Variants in CALN1 observed in about 807,000 individuals in gnomAD.
CALN1 encodes calneuron 1.
A neutral mutation model predicts 30.6 loss-of-function variants in CALN1; 17 were observed. The observed-to-expected ratio is 0.56, with a 90% confidence interval of 0.38 to 0.83. The LOEUF (loss-of-function observed/expected upper bound fraction) is 0.83, where lower values mean the gene tolerates loss of function less well. Ranked by LOEUF, CALN1 falls within the 40% of genes least tolerant of loss-of-function variation. CALN1 has a pLI of 0.00. For missense variants in CALN1, 291 were observed against 354.9 expected, an observed-to-expected ratio of 0.82 and a Z score of 1.45; for synonymous variants, 156 against 131.4, an observed-to-expected ratio of 1.19 and a Z score of -1.28.
intron 2 of CALN1, among the ~76,000 whole-genome samples, chr7:72,386,379 T>A (rs1002058702): frequency 2.6e-5 from 4 of 152,148 alleles, no homozygotes; most frequent in African/African-American, 9.7e-5. Context: ...ACTTTGGAAA[T>A]GGCTGGGTTC....
intron 3 of CALN1, among the ~76,000 whole-genome samples, chr7:72,171,913 T>G (rs546956559): frequency 6.6e-6 from 1 of 152,206 alleles, no homozygotes; most frequent in Non-Finnish European, 1.5e-5. Context: ...CATCCCATTT[T>G]AAAGGCAAAG....
intron 3 of CALN1, among the ~76,000 whole-genome samples, chr7:72,154,854 CAACAT>C (rs1274063542): frequency 1.3e-5 from 2 of 151,706 alleles, no homozygotes; most frequent in African/African-American, 4.9e-5. Context: ...GAGACCAACT[CAACAT>C]AATGAGAGCA....
chr7:72,185,658 A>T (rs1183069817), intron 3 of CALN1, among the ~76,000 whole-genome samples: 1 of 152,196 alleles, frequency 6.6e-6, no homozygotes, highest in Non-Finnish European at 1.5e-5. Context: ...TACTCCCATA[A>T]TTCCCACGTG....
At chr7:72,257,121 C>T (rs140550386) in intron 3 of CALN1, among the ~76,000 whole-genome samples, 16 of 152,258 alleles carry the variant, frequency 1.1e-4, no homozygotes, top group East Asian at 7.7e-4. Context: ...TCTTACATGG[C>T]GGCAAGAGAG....
At chr7:72,367,123 C>T (rs1803924427) in intron 2 of CALN1, among the ~76,000 whole-genome samples, 1 of 151,792 alleles carries the variant, frequency 6.6e-6, no homozygotes, top group Admixed American at 6.6e-5. Flanking sequence ...AAAAAACAGG[C>T]AAAAGAAACC....
intron 2 of CALN1, among the ~76,000 whole-genome samples, chr7:72,365,202 G>A (rs1329375745): frequency 1.3e-5 from 2 of 152,170 alleles, no homozygotes; most frequent in African/African-American, 2.4e-5. Context: ...CTACTCGGGA[G>A]GCTGAGGCAG....
intron 3 of CALN1, among the ~76,000 whole-genome samples, chr7:72,184,349 T>A (rs1207838340): frequency 6.6e-6 from 1 of 152,200 alleles, no homozygotes; most frequent in South Asian, 2.1e-4. Context: ...AGTTTCCCCA[T>A]CTTTAAATGC....
At chr7:71,819,003 C>T (rs1788434177) in intron 5 of CALN1, among the ~76,000 whole-genome samples, 1 of 151,650 alleles carries the variant, frequency 6.6e-6, no homozygotes, top group South Asian at 2.1e-4. Flanking sequence ...CCACAGCACC[C>T]ACCCGACCAG....
chr7:71,814,201 G>A (rs1209561992), intron 5 of CALN1, among the ~76,000 whole-genome samples: 2 of 152,190 alleles, frequency 1.3e-5, no homozygotes, highest in Non-Finnish European at 2.9e-5. Context: ...CTGAGCCTCT[G>A]ACCGCTATGG....
rs1554362861 is a variant in CALN1, at chr7:72,308,372, G to GAGA, written c.120-29563_120-29562insTCT. Among the ~76,000 whole-genome samples the GAGA allele has an allele frequency of 2.3e-4, 21 of 92,662 alleles. 2 individuals carry two copies. The highest frequency in any genetic ancestry group is 1.0e-3 in the African/African-American group (18 of 17,870). 60.8% of individuals were successfully genotyped at this position (92,662 alleles called of 152,430 possible). On this transcript the variant is annotated intron_variant, in intron 2 of 6. Transcript: ENST00000395275. ...GAGTGAGATGCTGTCTGTGGGGGGGGGAGAGAGAGAGAGAGAGAGAGAGAG... is the reference window on the plus strand; with the variant it reads ...GAGTGAGATGCTGTCTGTGGGGGGGGAGAGAGAGAGAGAGAGAGAGAGAGAGAG...
Position 71,932,709 on chromosome 7 carries a change from G to C in CALN1, c.501+90948C>G, listed in dbSNP as rs768166420. Among the ~76,000 whole-genome samples the C allele has an allele frequency of 1.9e-3, 282 of 151,544 alleles. 2 individuals are homozygous for C. The highest frequency in any genetic ancestry group is 2.1e-3 in the Non-Finnish European group (141 of 67,854). The stretch of plus-strand genomic sequence containing the variant: ...GCGGGCACCTGTAGTCCAGCTACTC[G>C]GGAGGCTGAGGCAGGAGAATGGCAT... On this transcript the variant is annotated intron_variant, in intron 5 of 6. Transcript: ENST00000395275.
Position 72,023,660 on chromosome 7 carries a change from C to A in CALN1, c.498G>T (p.Trp166Cys). 1 of 1,611,302 alleles carries A rather than the reference C, an allele frequency of 6.2e-7. No homozygotes were observed. The highest frequency in any genetic ancestry group is 8.5e-7 in the Non-Finnish European group (1 of 1,177,988). ...FLGNTIDSIFWQFDMQRITLE... is the reference protein window; with the variant it reads ...FLGNTIDSIFCQFDMQRITLE... Reference sequence around the variant, plus strand: ...GAAAAAAAATATTCTTACTCACCTGCCAGAATATGCTGTCTATCGTGTTCC... The same window carrying A: ...GAAAAAAAATATTCTTACTCACCTGACAGAATATGCTGTCTATCGTGTTCC... The change falls in exon 5 of 7, where the codon TGG (tryptophan) becomes TGT (cysteine). Residue 166 changes from tryptophan to cysteine, a missense_variant. Around this residue, in one of 2 missense-constraint regions of CALN1, gnomAD observed 169 missense variants for 251.7 expected, o/e 0.67. Coordinates refer to ENST00000395275, the MANE Select transcript of CALN1 (RefSeq NM_031468.4).
chr7:72,134,213 C>A (rs1457501646), intron 3 of CALN1, among the ~76,000 whole-genome samples: 1 of 152,184 alleles, frequency 6.6e-6, no homozygotes, highest in East Asian at 1.9e-4. Flanking sequence ...ACAGCCCTTG[C>A]CAGACACCAT....
chr7:72,018,833 T>TTTTA (rs140236224), intron 5 of CALN1, among the ~76,000 whole-genome samples: 1 of 151,504 alleles, frequency 6.6e-6, no homozygotes, highest in African/African-American at 2.4e-5. Flanking sequence ...AAAAAAATTA[T>TTTTA]TTTATTTATT....
intron 2 of CALN1, among the ~76,000 whole-genome samples, chr7:72,394,013 G>C (rs1404883978): frequency 6.6e-6 from 1 of 152,190 alleles, no homozygotes; most frequent in South Asian, 2.1e-4. Context: ...GATCCTGAGT[G>C]AACAGATTTC....
chr7:71,916,446 A>G (rs1194440365), intron 5 of CALN1, among the ~76,000 whole-genome samples: 4 of 152,082 alleles, frequency 2.6e-5, no homozygotes, highest in Non-Finnish European at 5.9e-5. Context: ...TTTTCTGGAT[A>G]AAGAAAATGT....
intron 3 of CALN1, among the ~76,000 whole-genome samples, chr7:72,225,997 G>A (rs1793647951): frequency 6.6e-6 from 1 of 151,528 alleles, no homozygotes; most frequent in Admixed American, 6.6e-5. Flanking sequence ...TCGGGAGGCT[G>A]AGGCAGGAGA....
chr7:71,806,727 C>G (rs182019947), intron 6 of CALN1, among the ~76,000 whole-genome samples: 8 of 152,124 alleles, frequency 5.3e-5, no homozygotes, highest in East Asian at 3.8e-4. Flanking sequence ...AGGACCCCCC[C>G]CCAGGGAGCT....
chr7:71,875,298 C>T (rs1469568784), intron 5 of CALN1, among the ~76,000 whole-genome samples: 3 of 152,012 alleles, frequency 2.0e-5, no homozygotes, highest in Non-Finnish European at 4.4e-5. Flanking sequence ...TGGGACAAAC[C>T]ACCCTGAAGT....
Sources: allele counts gnomAD v4.1 joint callset (sites outside exome capture counted in the v4.1 genomes callset), GRCh38; gene constraint gnomAD v4.1.1; regional missense constraint gnomAD v4.1.1; transcripts MANE v1.5; gene names NCBI Gene and HGNC (gene_info 2026-07-23, HGNC 2026-07-21).